TRERF1: variants seen among roughly 807,000 people sequenced by gnomAD.
TRERF1 encodes the protein transcriptional-regulating factor 1.
A neutral mutation model predicts 122.9 loss-of-function variants in TRERF1; 27 were observed. The ratio of observed to expected loss-of-function variants is 0.22; its 90% CI spans 0.16 to 0.30. The LOEUF (loss-of-function observed/expected upper bound fraction) is 0.30, where lower values mean the gene tolerates loss of function less well. TRERF1 is among the 10% of genes least tolerant of loss of function. The pLI, the probability that TRERF1 is intolerant of heterozygous loss-of-function variation, is 1.00. For missense variants in TRERF1, 1,248 were observed against 1,560.3 expected, an observed-to-expected ratio of 0.80 and a Z score of 3.37; for synonymous variants, 636 against 641.7, an observed-to-expected ratio of 0.99 and a Z score of 0.13.
At chr6:42,336,310 A>T (rs963453307) in intron 3 of TRERF1, among the ~76,000 whole-genome samples, 3 of 152,158 alleles carry the variant, frequency 2.0e-5, no homozygotes, top group African/African-American at 7.2e-5. Flanking sequence ...TCCTTTCTGC[A>T]CTGCCCCACT....
intron 2 of TRERF1, among the ~76,000 whole-genome samples, chr6:42,374,612 T>TAC (rs376959575): frequency 9.3e-4 from 142 of 152,292 alleles, no homozygotes; most frequent in Non-Finnish European, 1.6e-3. Flanking sequence ...GAGCAAGACC[T>TAC]ACATCCACCT....
At chr6:42,368,366 C>T (rs935016396) in intron 2 of TRERF1, among the ~76,000 whole-genome samples, 33 of 152,140 alleles carry the variant, frequency 2.2e-4, no homozygotes, top group African/African-American at 8.0e-4. Flanking sequence ...CGCCCCCACA[C>T]AGCACCTCCC....
chr6:42,390,730 G>A (rs1477821897), intron 2 of TRERF1, among the ~76,000 whole-genome samples: 2 of 152,192 alleles, frequency 1.3e-5, no homozygotes, highest in Non-Finnish European at 2.9e-5. Flanking sequence ...CAACAGTGGG[G>A]GTGCTAGGAA....
intron 2 of TRERF1, among the ~76,000 whole-genome samples, chr6:42,402,383 T>C (rs978601703): frequency 6.6e-6 from 1 of 152,180 alleles, no homozygotes; most frequent in African/African-American, 2.4e-5. Context: ...AGCTGAAGTT[T>C]GTTCCATCCA....
Position 42,254,831 on chromosome 6 carries a change from C to A in TRERF1, c.2656+20G>T. The stretch of plus-strand genomic sequence containing the variant: ...CCCGTCGTCAGGAGGCAACAGGACA[C>A]AGGGCTCCTGGCAACCTACCGGCAT... On this transcript the variant is annotated intron_variant, in intron 13 of 17. Transcript: ENST00000372922. 6.2e-7 allele frequency: 1 copy of A among 1,613,336 alleles called. No homozygotes were observed. The highest frequency in any genetic ancestry group is 8.5e-7 in the Non-Finnish European group (1 of 1,179,262).
rs1302481309 is a variant in TRERF1, at chr6:42,276,996, T to C, written c.-258-7148A>G. Among the ~76,000 whole-genome samples the C allele has an allele frequency of 6.6e-6, 1 of 152,164 alleles. No individual in the cohort carries two copies. Among genetic ancestry groups the C allele is most frequent in the East Asian group, 1.9e-4 (1 of 5,198 alleles). Reference sequence around the variant, plus strand: ...AATAGAGATTGGACCGATTTCACTTTTTGGTTGTCACTGTCACTGCCATCT... The same window carrying C: ...AATAGAGATTGGACCGATTTCACTTCTTGGTTGTCACTGTCACTGCCATCT... On this transcript the variant is annotated intron_variant, in intron 4 of 17. Coordinates refer to ENST00000372922, the Ensembl canonical transcript of TRERF1. This position sits in a 1 kb window ranked among gnomAD's most constrained non-coding sequence, Gnocchi z 4.3.
chr6:42,331,236 G>C (rs930387071), intron 3 of TRERF1, among the ~76,000 whole-genome samples: 2 of 152,204 alleles, frequency 1.3e-5, no homozygotes, highest in African/African-American at 4.8e-5. Context: ...AAATGGATGG[G>C]AGTGGTAACT....
chr6:42,407,186 G>C (rs1449681509), intron 2 of TRERF1, among the ~76,000 whole-genome samples: 3 of 152,140 alleles, frequency 2.0e-5, no homozygotes, highest in Non-Finnish European at 4.4e-5. Flanking sequence ...TCAACTGCAT[G>C]GTAAATCTAA....
intron 3 of TRERF1, among the ~76,000 whole-genome samples, chr6:42,316,494 T>C (rs995964544): frequency 6.6e-6 from 1 of 152,184 alleles, no homozygotes; most frequent in Non-Finnish European, 1.5e-5. Context: ...GGCAGACACC[T>C]TCATTAATAC....
At chr6:42,246,684 T>TA (rs1190418615) in intron 13 of TRERF1, 140 bp from the exon 14 acceptor site, 3 of 562,412 alleles carry the variant, frequency 5.3e-6, no homozygotes, top group Non-Finnish European at 6.0e-6. Flanking sequence ...AACAAAAAGA[T>TA]AGTGTGATAT....
chr6:42,394,932 C>T (rs1338558732), intron 2 of TRERF1, among the ~76,000 whole-genome samples: 1 of 152,214 alleles, frequency 6.6e-6, no homozygotes, highest in African/African-American at 2.4e-5. Flanking sequence ...CACTACCGCC[C>T]ACCACAGCCC....
chr6:42,376,349 G>A (rs2151091107), intron 2 of TRERF1, among the ~76,000 whole-genome samples: 1 of 152,172 alleles, frequency 6.6e-6, no homozygotes, highest in Admixed American at 6.5e-5. Flanking sequence ...CCAGAGGATC[G>A]TTCCTGGAAA....
At chr6:42,426,845 A>T (rs1347776031) in intron 2 of TRERF1, among the ~76,000 whole-genome samples, 1 of 152,226 alleles carries the variant, frequency 6.6e-6, no homozygotes, top group African/African-American at 2.4e-5. Context: ...CCAATCTTTG[A>T]TCTAATGCTT....
chr6:42,358,052 G>A (rs1026221698), intron 3 of TRERF1, among the ~76,000 whole-genome samples: 2 of 152,212 alleles, frequency 1.3e-5, no homozygotes, highest in South Asian at 2.1e-4. Context: ...GGGGCTCCTG[G>A]GATCAAACCA....
chr6:42,446,327 A>G (rs1041782342), intron 2 of TRERF1, among the ~76,000 whole-genome samples: 5 of 152,214 alleles, frequency 3.3e-5, no homozygotes, highest in African/African-American at 1.2e-4. Flanking sequence ...TTCATCCTTG[A>G]CCACCTGTGC....
intron 8 of TRERF1, among the ~76,000 whole-genome samples, chr6:42,260,433 G>A (rs1396067404): frequency 1.3e-5 from 2 of 152,112 alleles, no homozygotes; most frequent in African/African-American, 2.4e-5. Flanking sequence ...TAATGGCAGC[G>A]GAACCAAGCA....
chr6:42,246,633 C>G (rs751302520), intron 13 of TRERF1, 89 bp from the exon 14 acceptor site: 95 of 908,128 alleles, frequency 1.0e-4, no homozygotes, highest in Non-Finnish European at 1.5e-4. Flanking sequence ...CAAAATACAA[C>G]TACAGAGCAA....
intron 14 of TRERF1, among the ~76,000 whole-genome samples, chr6:42,244,150 G>A (rs1208475062): frequency 6.6e-6 from 1 of 151,914 alleles, no homozygotes; most frequent in Non-Finnish European, 1.5e-5. Context: ...CAAATTGCTG[G>A]CATTACAGGC....
rs1015573864 is a variant in TRERF1 at position 42,289,029 on chromosome 6, A to AG, written c.-259+11608_-259+11609insC. Among the ~76,000 whole-genome samples, 9 of 113,900 alleles carry AG rather than the reference A, an allele frequency of 7.9e-5. No homozygotes were observed. The Admixed American group carries it at 8.0e-4, about 10-fold the overall frequency. The allele number at this position is 113,900 out of a possible 152,430, so 74.7% of individuals were successfully genotyped here. On this transcript the variant is annotated intron_variant, in intron 4 of 17. Coordinates refer to ENST00000372922, the Ensembl canonical transcript of TRERF1. ...TGTAACTGATCATATTTCTATTTTG[A>AG]AAGTTTGCTCTGGGCCGGGTGTGGT...
Sources: allele counts gnomAD v4.1 joint callset (sites outside exome capture counted in the v4.1 genomes callset), GRCh38; gene constraint gnomAD v4.1.1; non-coding constraint Gnocchi (gnomAD v3.1); transcripts MANE v1.5; gene names NCBI Gene and HGNC (gene_info 2026-07-23, HGNC 2026-07-21).